Variants in UGT2B10 observed in about 807,000 individuals in gnomAD.
UGT2B10 encodes the protein UDP glucuronosyltransferase family 2 member B10.
Under a neutral mutation model 43.7 loss-of-function variants are expected in UGT2B10, and 51 were observed. The observed-to-expected ratio is 1.17, with a 90% CI of 0.93 to 1.47. The LOEUF (loss-of-function observed/expected upper bound fraction) is 1.47. Ranked by LOEUF, UGT2B10 falls within the 40% of genes most tolerant of loss-of-function variation. The pLI is 0.00. For missense variants in UGT2B10, 696 were observed against 617.7 expected (o/e 1.13, Z -1.34); for synonymous variants, 225 against 209.0 (o/e 1.08, Z -0.66).
chr4:68,831,580 T>C lies in UGT2B10; in HGVS notation c.*701T>C, dbSNP rs771061429. On this transcript the variant is annotated 3_prime_UTR_variant, in exon 6 of 6. Coordinates refer to ENST00000265403, the MANE Select transcript of UGT2B10 (RefSeq NM_001075.6). ...CATAAAATAAAGTGGAAATGAATGA[T>C]TGACTGAACAGCCCACAAGAAGAAT... is the stretch of plus-strand genomic sequence containing the variant. 2.0e-5 allele frequency among the ~76,000 whole-genome samples: 3 copies of C among 152,130 alleles called. No homozygotes were observed. Among genetic ancestry groups the C allele is most frequent in the Non-Finnish European group, 4.4e-5 (3 of 68,018 alleles).
intron 3 of UGT2B10, among the ~76,000 whole-genome samples, chr4:68,824,183 A>C (rs577457049): frequency 6.6e-6 from 1 of 152,346 alleles, no homozygotes; most frequent in South Asian, 2.1e-4. Context: ...TACTATTCAG[A>C]GAAAGAGTGG....
chr4:68,827,225 T>C (rs1737826642), intron 4 of UGT2B10, 104 bp from the exon 5 acceptor site: 1 of 1,559,570 alleles, frequency 6.4e-7, no homozygotes, highest in South Asian at 1.2e-5. Flanking sequence ...AATAGCAAAT[T>C]AGTTCAGTGT....
At chr4:68,828,357 C>A (rs1181440440) in intron 5 of UGT2B10, among the ~76,000 whole-genome samples, 3 of 151,560 alleles carry the variant, frequency 2.0e-5, no homozygotes, top group Non-Finnish European at 4.4e-5. Context: ...ATAGATACGT[C>A]ATAATTTAGT....
chr4:68,826,775 GTC>G (rs1343748153), intron 4 of UGT2B10, among the ~76,000 whole-genome samples: 2 of 151,986 alleles, frequency 1.3e-5, no homozygotes, highest in African/African-American at 2.4e-5. Context: ...CTGTCCCTCT[GTC>G]TCCTGTTTCT....
intron 3 of UGT2B10, among the ~76,000 whole-genome samples, chr4:68,824,184 G>A (rs2109695657): frequency 6.6e-6 from 1 of 152,362 alleles, no homozygotes; most frequent in South Asian, 2.1e-4. Context: ...ACTATTCAGA[G>A]AAAGAGTGGC....
intron 1 of UGT2B10, among the ~76,000 whole-genome samples, chr4:68,817,229 TCTATATCTCAGATGCAAAAATCAATAA>T: frequency 6.6e-6 from 1 of 151,782 alleles, no homozygotes; most frequent in Admixed American, 6.6e-5. Context: ...AGAGATAATG[TCTATATCTCAGATGCAAAAATCAATAA>T]GGGTAATTTG....
At chr4:68,827,754 AAC>A (rs1336513317) in intron 5 of UGT2B10, among the ~76,000 whole-genome samples, 1 of 152,016 alleles carries the variant, frequency 6.6e-6, no homozygotes, top group Non-Finnish European at 1.5e-5. Context: ...CAGTTAGTGA[AAC>A]AGTTTTCTAA....
intron 3 of UGT2B10, among the ~76,000 whole-genome samples, chr4:68,823,736 A>T (rs1434512175): frequency 6.6e-6 from 1 of 152,168 alleles, no homozygotes; most frequent in Non-Finnish European, 1.5e-5. Context: ...CGGGCCTAAA[A>T]ATTAGAGCTT....
At chr4:68,826,140 TTAA>T (rs1249903127) in intron 3 of UGT2B10, among the ~76,000 whole-genome samples, 2 of 152,144 alleles carry the variant, frequency 1.3e-5, no homozygotes, top group South Asian at 4.1e-4. Context: ...AGTTCTTCTT[TTAA>T]AAAGTATAAA....
At position 68,816,875 on chromosome 4, in the gene UGT2B10, C is replaced by T. The variant is rs569178464; in HGVS notation, c.718+138C>T. 1.2e-4 allele frequency: 93 copies of T among 802,252 alleles called. No individual in the cohort carries two copies. The African/African-American group carries it at 1.5e-3, about 13-fold the overall frequency. The allele number at this position is 802,252 out of a possible 1,614,324, so 49.7% of individuals were successfully genotyped here. On this transcript the variant is annotated intron_variant, in intron 1 of 5. Transcript: ENST00000265403. Reference sequence around the variant, plus strand: ...TGAAATGAAAATACAAGATGATCTACCAATCTCACAAATATTATAGAAAAG... The same window carrying T: ...TGAAATGAAAATACAAGATGATCTATCAATCTCACAAATATTATAGAAAAG...
At chr4:68,820,126 A>T (rs963415836) in intron 2 of UGT2B10, among the ~76,000 whole-genome samples, 1 of 152,034 alleles carries the variant, frequency 6.6e-6, no homozygotes, top group African/African-American at 2.4e-5. Flanking sequence ...TAGAAGGAGG[A>T]AGAGAGTAGG....
At chr4:68,817,412 T>G (rs1355618404) in intron 1 of UGT2B10, among the ~76,000 whole-genome samples, 1 of 151,788 alleles carries the variant, frequency 6.6e-6, no homozygotes, top group Non-Finnish European at 1.5e-5. Flanking sequence ...CGAGACTGAT[T>G]ATGGTCGAGT....
rs1738065712 is a variant in UGT2B10 at position 68,830,909 on chromosome 4, TGATA to T, written c.*36_*39del. The T allele has an allele frequency of 1.9e-6, 3 of 1,604,082 alleles. No homozygotes were observed. The highest frequency in any genetic ancestry group is 2.6e-6 in the Non-Finnish European group (3 of 1,175,194). On this transcript the variant is annotated 3_prime_UTR_variant, in exon 6 of 6. Coordinates refer to ENST00000265403, the MANE Select transcript of UGT2B10 (RefSeq NM_001075.6). ...ATCTGAGATTTGAAGCTGGAAAACC[TGATA>T]GATAGGAATACTTCAGTTGATTCCA...
rs1362141326 is a variant in UGT2B10 at position 68,822,335 on chromosome 4, T to C, written c.932T>C (p.Met311Thr). The C allele has an allele frequency of 1.4e-5, 23 of 1,613,586 alleles. No individual in the cohort carries two copies. The highest frequency in any genetic ancestry group is 1.9e-5 in the Non-Finnish European group (23 of 1,179,850). The change falls in exon 3 of 6, where the codon ATG becomes ACG. Residue 311 changes from methionine to threonine, a missense_variant. Transcript: ENST00000265403. ...NGVVVFSLGS[M>T]VSNMTEERAN... ...GTTGTGGTGTTTTCTCTGGGGTCAA[T>C]GGTCAGTAACATGACAGAAGAAAGG...
chr4:68,825,670 T>C (rs1737737083), intron 3 of UGT2B10, among the ~76,000 whole-genome samples: 1 of 152,104 alleles, frequency 6.6e-6, no homozygotes, highest in South Asian at 2.1e-4. Flanking sequence ...ATACATATTT[T>C]TATTCTTTTT....
intron 1 of UGT2B10, 72 bp downstream of exon 1, chr4:68,816,809 C>A: frequency 5.4e-6 from 7 of 1,290,324 alleles, no homozygotes; most frequent in South Asian, 1.5e-5. Context: ...TTGCATAAAG[C>A]CATAAAGTCA....
At position 68,830,894 on chromosome 4, in the gene UGT2B10, T is replaced by C. The variant is rs758659505; in HGVS notation, c.*15T>C. On this transcript the variant is annotated 3_prime_UTR_variant, in exon 6 of 6. Coordinates refer to ENST00000265403, the MANE Select transcript of UGT2B10 (RefSeq NM_001075.6). ...AAAGGGATTAGTTATATCTGAGATT[T>C]GAAGCTGGAAAACCTGATAGATAGG... 3 of 1,609,470 alleles carry C rather than the reference T, an allele frequency of 1.9e-6. No individual in the cohort carries two copies. The highest frequency in any genetic ancestry group is 1.7e-4 in the Middle Eastern group (1 of 6,030).
At chr4:68,821,356 A>G (rs1167083715) in intron 2 of UGT2B10, among the ~76,000 whole-genome samples, 5 of 152,170 alleles carry the variant, frequency 3.3e-5, no homozygotes, top group Admixed American at 6.6e-5. Flanking sequence ...AAGAGAGACA[A>G]GATCCCCCTG....
rs1470572790 is a variant in UGT2B10 at position 68,830,627 on chromosome 4, A to C, written c.1335A>C (p.Ser445=). ...ATAAAGAGAATATTATGAAATTATC[A>C]AGAATTCAACATGATCAACCAGTGA... ...PSYKENIMKL[S]RIQHDQPVKP... is the part of the protein sequence containing the mutation. The change falls in exon 6 of 6, where the codon TCA becomes TCC. Residue 445 remains serine, a synonymous_variant. Transcript: ENST00000265403. 1.2e-6 allele frequency: 2 copies of C among 1,612,640 alleles called. No individual in the cohort carries two copies. Among genetic ancestry groups the C allele is most frequent in the Admixed American group, 3.3e-5 (2 of 59,820 alleles).
Sources: gnomAD v4.1 joint callset for allele counts (sites outside exome capture counted in the v4.1 genomes callset) on GRCh38, gnomAD v4.1.1 for gene constraint, MANE v1.5 for transcripts, NCBI Gene and HGNC (gene_info 2026-07-23, HGNC 2026-07-21) for gene names.